TENT4B: variants seen among roughly 807,000 people sequenced by gnomAD.
TENT4B encodes the protein PAP associated domain containing 5.
TENT4B carries 10 observed loss-of-function variants against 75.0 expected under a neutral mutation model. The ratio of observed to expected loss-of-function variants is 0.13; its 90% CI spans 0.08 to 0.23. The LOEUF (loss-of-function observed/expected upper bound fraction) is 0.23. Ranked by LOEUF, TENT4B falls within the 10% of genes least tolerant of loss-of-function variation. The pLI is 1.00. For missense variants in TENT4B, 579 were observed against 893.8 expected, an observed-to-expected ratio of 0.65 and a Z score of 4.49; for synonymous variants, 350 against 357.7, an observed-to-expected ratio of 0.98 and a Z score of 0.24.
intron 1 of TENT4B, among the ~76,000 whole-genome samples, chr16:50,155,944 CT>C (rs1429878861): frequency 6.6e-6 from 1 of 152,060 alleles, no homozygotes; most frequent in East Asian, 1.9e-4. Context: ...GTCCAAGATG[CT>C]TATTTTTTTT....
rs2031265881 is a variant in TENT4B, at chr16:50,211,308, T to C, written c.639-15T>C. On this transcript the variant is annotated splice_polypyrimidine_tract_variant and intron_variant, in intron 1 of 11. Coordinates refer to ENST00000561678, the MANE Select transcript of TENT4B (RefSeq NM_001365324.3). ...TTGGCCCTGTTCATATTAACTTTTC[T>C]GTTTTTTTCTTCAGTCTGCATGAAG... The C allele has an allele frequency of 4.4e-6, 7 of 1,602,386 alleles. No individual in the cohort carries two copies. Among genetic ancestry groups the C allele is most frequent in the Non-Finnish European group, 6.0e-6 (7 of 1,176,260 alleles).
At chr16:50,181,464 ATT>A (rs35488041) in intron 1 of TENT4B, among the ~76,000 whole-genome samples, 44 of 109,766 alleles carry the variant, frequency 4.0e-4, no homozygotes, top group Middle Eastern at 5.4e-3. Flanking sequence ...CAGCTATTGT[ATT>A]TTTTTTTTTT....
In TENT4B at chr16:50,154,089, C is replaced by A; in HGVS notation, c.468C>A (p.Gly156=). Residue 156 remains glycine, a synonymous_variant, in exon 1 of 12, where the codon GGC becomes GGA. Coordinates refer to ENST00000561678, the MANE Select transcript of TENT4B (RefSeq NM_001365324.3). ...CCGATCCAGCCGATTCGGCCTCGGGCAGCAGCAACAAGAGGAAGCGCGACA... is the reference window on the plus strand; with the variant it reads ...CCGATCCAGCCGATTCGGCCTCGGGAAGCAGCAACAAGAGGAAGCGCGACA... ...PAADPADSAS[G]SSNKRKRDNK... 1 of 1,529,156 alleles carries A rather than the reference C, an allele frequency of 6.5e-7. No individual in the cohort carries two copies. The highest frequency in any genetic ancestry group is 8.7e-7 in the Non-Finnish European group (1 of 1,144,134). 94.7% of individuals were successfully genotyped at this position (1,529,156 alleles called of 1,614,324 possible).
chr16:50,204,644 G>T (rs989069769), intron 1 of TENT4B, among the ~76,000 whole-genome samples: 2 of 152,102 alleles, frequency 1.3e-5, no homozygotes, highest in African/African-American at 4.8e-5. Context: ...TGAGTCACTC[G>T]CTTCTCTTGG....
At chr16:50,153,029 C>G, upstream of TENT4B, 1 of 1,514,464 alleles carries the variant, frequency 6.6e-7, no homozygotes, top group Middle Eastern at 1.7e-4. Flanking sequence ...TCCCGGACGC[C>G]CAGGTACGTG....
intron 1 of TENT4B, among the ~76,000 whole-genome samples, chr16:50,168,467 ATTTTT>A (rs61664898): frequency 8.1e-5 from 10 of 123,362 alleles, no homozygotes; most frequent in Admixed American, 6.7e-4. Flanking sequence ...CACCCAGCTA[ATTTTT>A]TTTTTTTTTT....
Position 50,216,127 on chromosome 16 carries a change from C to G in TENT4B, c.862C>G (p.Leu288Val). Residue 288 changes from leucine (L) to valine (V), a missense_variant, in exon 4 of 12, where the codon CTG becomes GTG. Leu to Val is a conservative substitution (Grantham distance 32). Around this residue, in one of 7 missense-constraint regions of TENT4B, gnomAD observed 55 missense variants for 77.1 expected, o/e 0.71. Transcript: ENST00000561678. The part of the protein sequence containing the change: ...GKWENLPLWT[L>V]EEALRKHKVA... ...GTGGGAGAACCTACCCCTCTGGACT[C>G]TGGAAGAAGCTCTTCGGAAACACAA... 2 of 1,613,952 alleles carry G rather than the reference C, an allele frequency of 1.2e-6. No individual in the cohort carries two copies. The highest frequency in any genetic ancestry group is 1.7e-6 in the Non-Finnish European group (2 of 1,179,862).
At chr16:50,191,309 C>T (rs983511154) in intron 1 of TENT4B, among the ~76,000 whole-genome samples, 1 of 152,232 alleles carries the variant, frequency 6.6e-6, no homozygotes, top group East Asian at 1.9e-4. Flanking sequence ...ACAGCTGTAC[C>T]ATTGTACATT....
In TENT4B at chr16:50,235,019, C is replaced by A; in HGVS notation, c.*5691C>A. On this transcript the variant is annotated 3_prime_UTR_variant, in exon 12 of 12. Coordinates refer to ENST00000561678, the MANE Select transcript of TENT4B (RefSeq NM_001365324.3). ...TTCCAATCTTGTCTAGTTACCACTG[C>A]AGAGACACTAAGGAATTTACCAGAA... 2 of 985,806 alleles carry A rather than the reference C, an allele frequency of 2.0e-6. No homozygotes were observed. The highest frequency in any genetic ancestry group is 2.4e-6 in the Non-Finnish European group (2 of 829,920). 61.1% of individuals were successfully genotyped at this position (985,806 alleles called of 1,614,324 possible). A position where few individuals can be genotyped will look rare whatever the true frequency, so the allele number is the denominator to read the frequency against.
chr16:50,156,802 C>T (rs1419286939), intron 1 of TENT4B, among the ~76,000 whole-genome samples: 1 of 152,048 alleles, frequency 6.6e-6, no homozygotes, highest in Non-Finnish European at 1.5e-5. Context: ...ACTACAGGCA[C>T]ATGTCACCAC....
chr16:50,225,534 C>T (rs562713599), intron 10 of TENT4B, among the ~76,000 whole-genome samples: 3 of 152,316 alleles, frequency 2.0e-5, no homozygotes, highest in Admixed American at 2.0e-4. Flanking sequence ...CTTTTACTTG[C>T]TTATGTCATA....
In TENT4B at chr16:50,229,565, A is replaced by G. The variant is rs1033527000; in HGVS notation, c.*237A>G. 1.4e-5 allele frequency: 18 copies of G among 1,252,242 alleles called. No homozygotes were observed. Among genetic ancestry groups the G allele is most frequent in the Non-Finnish European group, 1.8e-5 (18 of 1,001,408 alleles). The allele number at this position is 1,252,242 out of a possible 1,614,324, so 77.6% of individuals were successfully genotyped here. A position where few individuals can be genotyped will look rare whatever the true frequency, so the allele number is the denominator to read the frequency against. The stretch of plus-strand genomic sequence containing the variant: ...AGGGAAAAAAAAGGCTGCTTATTTG[A>G]TAAGTCATATGCTACAACAGGGTCA... On this transcript the variant is annotated 3_prime_UTR_variant, in exon 12 of 12. Transcript: ENST00000561678.
intron 1 of TENT4B, among the ~76,000 whole-genome samples, chr16:50,208,260 G>C (rs147701532): frequency 6.6e-6 from 1 of 152,172 alleles, no homozygotes. Flanking sequence ...GGAAGGTGGT[G>C]CCATGGGCTA....
rs2032255701 is a variant in TENT4B, at chr16:50,230,494, T to C, written c.*1166T>C. 3 of 980,864 alleles carry C rather than the reference T, an allele frequency of 3.1e-6. No individual in the cohort carries two copies. The African/African-American group carries it at 5.3e-5, about 17-fold the overall frequency. The allele number at this position is 980,864 out of a possible 1,614,324, so 60.8% of individuals were successfully genotyped here. A position where few individuals can be genotyped will look rare whatever the true frequency, so the allele number is the denominator to read the frequency against. On this transcript the variant is annotated 3_prime_UTR_variant, in exon 12 of 12. Coordinates refer to ENST00000561678, the MANE Select transcript of TENT4B (RefSeq NM_001365324.3). ...ACTGTAAACAGCTTTAATTAAATCA[T>C]ACTTATAAAAAACTATTTTCTTATA...
At chr16:50,191,643 G>A (rs954875778) in intron 1 of TENT4B, among the ~76,000 whole-genome samples, 1 of 151,352 alleles carries the variant, frequency 6.6e-6, no homozygotes, top group African/African-American at 2.5e-5. Context: ...TAATAGGCCA[G>A]GCGCAGTGGC....
chr16:50,154,593 G>C (rs751158900), intron 1 of TENT4B, among the ~76,000 whole-genome samples: 1 of 127,740 alleles, frequency 7.8e-6, no homozygotes, highest in African/African-American at 3.1e-5. Context: ...ATCTACCCTT[G>C]ACCACCACCC....
chr16:50,218,276 C>T (rs902618217), intron 5 of TENT4B, among the ~76,000 whole-genome samples: 2 of 152,080 alleles, frequency 1.3e-5, no homozygotes, highest in African/African-American at 4.8e-5. Flanking sequence ...AGATTAAGAA[C>T]CTTTCCTTTA....
At chr16:50,215,738 C>T (rs899991316) in intron 3 of TENT4B, among the ~76,000 whole-genome samples, 8 of 152,096 alleles carry the variant, frequency 5.3e-5, no homozygotes, top group East Asian at 1.9e-4. Flanking sequence ...TAATCTCATC[C>T]GGATAGGAAA....
rs1430085439 is a variant in TENT4B at position 50,230,577 on chromosome 16, G to T, written c.*1249G>T. On this transcript the variant is annotated 3_prime_UTR_variant, in exon 12 of 12. Coordinates refer to ENST00000561678, the MANE Select transcript of TENT4B (RefSeq NM_001365324.3). ...TACAAATTAAATGGTCTTTGATAATGGATCTATTTTGTATTGCCTTATTAA... is the reference window on the plus strand; with the variant it reads ...TACAAATTAAATGGTCTTTGATAATTGATCTATTTTGTATTGCCTTATTAA... 1.0e-6 allele frequency: 1 copy of T among 975,532 alleles called. No individual in the cohort carries two copies. Among genetic ancestry groups the T allele is most frequent in the Non-Finnish European group, 1.2e-6 (1 of 820,792 alleles). 60.4% of individuals were successfully genotyped at this position (975,532 alleles called of 1,614,324 possible).
Sources: gnomAD v4.1 joint callset for allele counts (sites outside exome capture counted in the v4.1 genomes callset) on GRCh38, gnomAD v4.1.1 for gene constraint, gnomAD v4.1.1 regional missense constraint, MANE v1.5 for transcripts, NCBI Gene and HGNC (gene_info 2026-07-23, HGNC 2026-07-21) for gene names.